The following DVL1 variants were observed in gnomAD, a reference collection of about 807,000 sequenced individuals.
The protein encoded by DVL1 is segment polarity protein dishevelled homolog DVL-1.
A neutral mutation model predicts 65.0 loss-of-function variants in DVL1; 49 were observed. The observed-to-expected ratio is 0.75, with a 90% confidence interval of 0.60 to 0.96. DVL1 has a LOEUF of 0.96. Ranked by LOEUF, DVL1 falls within the 40% of genes least tolerant of loss-of-function variation. The pLI is 0.00. For missense variants in DVL1, 1,197 were observed against 1,045.4 expected (o/e 1.15, Z -2.00); for synonymous variants, 608 against 433.9 (o/e 1.40, Z -4.99).
In DVL1 at chr1:1,340,241, C is replaced by T. The variant is rs776110236; in HGVS notation, c.769+6G>A. The stretch of plus-strand genomic sequence containing the variant: ...CCTGCCCCCAACCCTCGCCCCGAGG[C>T]CTCACCCATGTTGAGCGTGACAGTG... On this transcript the variant is annotated splice_donor_region_variant and intron_variant, in intron 7 of 14. Transcript: ENST00000378888. The T allele has an allele frequency of 1.9e-6, 3 of 1,613,968 alleles. No individual in the cohort carries two copies. The highest frequency in any genetic ancestry group is 1.7e-5 in the Admixed American group (1 of 60,026).
intron 11 of DVL1, among the ~76,000 whole-genome samples, 156 bp downstream of exon 11, chr1:1,339,131 C>T (rs890710692): frequency 1.3e-5 from 2 of 152,262 alleles, no homozygotes; most frequent in Non-Finnish European, 2.9e-5. Flanking sequence ...AAGGTGGGCA[C>T]GGGTGCCTGT....
At chr1:1,343,556 C>G (rs1035426866) in intron 1 of DVL1, among the ~76,000 whole-genome samples, 1 of 152,238 alleles carries the variant, frequency 6.6e-6, no homozygotes, top group Non-Finnish European at 1.5e-5. Context: ...TGCCCTATGG[C>G]CCTACTCCAC....
chr1:1,346,771 C>G (rs561237533), intron 1 of DVL1, among the ~76,000 whole-genome samples: 1 of 152,192 alleles, frequency 6.6e-6, no homozygotes, highest in African/African-American at 2.4e-5. Context: ...CCCCGACTCA[C>G]CAGGGCCTCC....
At chr1:1,337,622 G>C in intron 14 of DVL1, 1 of 444,138 alleles carries the variant, frequency 2.3e-6, no homozygotes, top group South Asian at 2.0e-5. Flanking sequence ...ACCCCTACCA[G>C]GCACAGCCGC....
Position 1,338,284 on chromosome 1 carries a change from C to G in DVL1, c.1492G>C (p.Gly498Arg). Residue 498 changes from glycine to arginine, a missense_variant, in exon 13 of 15, where the codon GGG becomes CGG. By Grantham distance (125) the Gly-to-Arg change is moderately radical. Coordinates refer to ENST00000378888, the MANE Select transcript of DVL1 (RefSeq NM_001330311.2). ...CCCCACTCACTGCTGCAGAGATCCC[C>G]GAAGACGTAGTAGCACTGCTCGGAG... ...TFSEQCYYVFGDLCSNLATLN... is the reference protein window; with the variant it reads ...TFSEQCYYVFRDLCSNLATLN... 6.2e-7 allele frequency: 1 copy of G among 1,611,572 alleles called. No homozygotes were observed. Among genetic ancestry groups the G allele is most frequent in the Non-Finnish European group, 8.5e-7 (1 of 1,179,220 alleles).
intron 11 of DVL1, 89 bp downstream of exon 11, chr1:1,339,187 CACAGCCCCATG>C: frequency 3.4e-6 from 5 of 1,473,324 alleles, no homozygotes; most frequent in Non-Finnish European, 4.6e-6. Context: ...ACACACGTGT[CACAGCCCCATG>C]ACGGCCACAG....
intron 1 of DVL1, among the ~76,000 whole-genome samples, chr1:1,343,916 C>A (rs1351346653): frequency 6.6e-6 from 1 of 152,164 alleles, no homozygotes; most frequent in Non-Finnish European, 1.5e-5. Context: ...CACCAGTCCA[C>A]CCCCAGGTCA....
chr1:1,337,183 G>T, intron 14 of DVL1: 1 of 743,480 alleles, frequency 1.3e-6, no homozygotes, highest in Non-Finnish European at 1.6e-6. Context: ...CGCAAGCGCC[G>T]GTCGAGGGTC....
Position 1,339,309 on chromosome 1 carries a change from G to C in DVL1, c.1185C>G (p.Thr395=), listed in dbSNP as rs763911941. ...TACGTGGAGCACCAGGCACGGAGCT[G>C]GTTAGTGAGGAGGAGCTGGTGCGCG... ...AVTRTSSSSL[T]SSVPGAPQLE... The change falls in exon 11 of 15, where the codon ACC becomes ACG. Residue 395 remains threonine (T), a synonymous_variant. Transcript: ENST00000378888. 55 of 1,548,466 alleles carry C rather than the reference G, an allele frequency of 3.6e-5. No homozygotes were observed. The African/African-American group carries it at 6.9e-4, about 19-fold the overall frequency.
chr1:1,341,656 C>T lies in DVL1; in HGVS notation c.605+11G>A, dbSNP rs182712986. ...ACACAGGCATACACGCCCACAGACA[C>T]TCCCACACACCTGCTCGTGCTGCCA... On this transcript the variant is annotated intron_variant, in intron 5 of 14. Coordinates refer to ENST00000378888, the MANE Select transcript of DVL1 (RefSeq NM_001330311.2). 3 of 1,595,786 alleles carry T rather than the reference C, an allele frequency of 1.9e-6. No individual in the cohort carries two copies. Among genetic ancestry groups the T allele is most frequent in the African/African-American group, 2.7e-5 (2 of 74,690 alleles).
intron 1 of DVL1, among the ~76,000 whole-genome samples, chr1:1,347,096 C>A (rs777661198): frequency 6.6e-6 from 1 of 152,080 alleles, no homozygotes; most frequent in Non-Finnish European, 1.5e-5. Flanking sequence ...GAGCAAGGCC[C>A]CCATCCCAGC....
At chr1:1,344,339 G>GCCA (rs1643887907) in intron 1 of DVL1, among the ~76,000 whole-genome samples, 1 of 152,204 alleles carries the variant, frequency 6.6e-6, no homozygotes, top group Non-Finnish European at 1.5e-5. Context: ...CACCCCGACT[G>GCCA]GCCGCTCCAG....
intron 5 of DVL1, among the ~76,000 whole-genome samples, chr1:1,341,322 G>A (rs111203438): frequency 0.018 from 2,795 of 151,812 alleles, 94 homozygotes; most frequent in African/African-American, 0.062. Context: ...ACAGACATGC[G>A]CATCATGTAC....
At chr1:1,342,633 C>A (rs532296244) in intron 2 of DVL1, 56 bp downstream of exon 2, 1 of 1,601,230 alleles carries the variant, frequency 6.2e-7, no homozygotes, top group Non-Finnish European at 8.5e-7. Context: ...CCAGGAAGAG[C>A]CCCACCCTGG....
rs554217687 is a variant in DVL1, at chr1:1,335,697, G to A, written c.*445C>T. 5.8e-6 allele frequency: 1 copy of A among 171,694 alleles called. No individual in the cohort carries two copies. The highest frequency in any genetic ancestry group is 1.3e-5 in the Non-Finnish European group (1 of 79,852). 10.6% of individuals were successfully genotyped at this position (171,694 alleles called of 1,614,324 possible). A position where few individuals can be genotyped will look rare whatever the true frequency, so the allele number is the denominator to read the frequency against. ...CAGCAGCAGGTGGGACAGATGACAG[G>A]GTCGCCTCCTCCCCCGAGTCACCGG... is the stretch of plus-strand genomic sequence containing the variant. On this transcript the variant is annotated 3_prime_UTR_variant, in exon 15 of 15. Coordinates refer to ENST00000378888, the MANE Select transcript of DVL1 (RefSeq NM_001330311.2).
chr1:1,340,654 A>G, intron 5 of DVL1, 151 bp from the exon 6 acceptor site: 2 of 779,628 alleles, frequency 2.6e-6, no homozygotes, highest in Non-Finnish European at 4.1e-6. Context: ...CAGGCCCTGC[A>G]CACGTGATAT....
In DVL1 at chr1:1,338,163, T is replaced by C. The variant is rs748486151; in HGVS notation, c.1528A>G (p.Asn510Asp). ...TCCGAAGTCCCACTGGAGCCACTGTTGAGGTTCAGGGTGGCGAGATCTGGC... is the reference window on the plus strand; with the variant it reads ...TCCGAAGTCCCACTGGAGCCACTGTCGAGGTTCAGGGTGGCGAGATCTGGC... Reference protein sequence around the residue: ...LCSNLATLNLNSGSSGTSDQD... With the variant: ...LCSNLATLNLDSGSSGTSDQD... The change falls in exon 14 of 15, where the codon AAC becomes GAC. Residue 510 changes from asparagine (N) to aspartate (D), a missense_variant. Asn to Asp is a conservative substitution (Grantham distance 23). Transcript: ENST00000378888. The C allele has an allele frequency of 1.9e-6, 3 of 1,608,528 alleles. No individual in the cohort carries two copies. The Admixed American group carries it at 5.0e-5, about 27-fold the overall frequency.
At chr1:1,346,562 G>C (rs1446988674) in intron 1 of DVL1, among the ~76,000 whole-genome samples, 1 of 152,216 alleles carries the variant, frequency 6.6e-6, no homozygotes, top group Admixed American at 6.5e-5. Context: ...CTGTGACCAG[G>C]GCATGAAAAG....
intron 1 of DVL1, among the ~76,000 whole-genome samples, chr1:1,344,077 G>C (rs1383770010): frequency 6.6e-6 from 1 of 152,186 alleles, no homozygotes; most frequent in Non-Finnish European, 1.5e-5. Context: ...GGCAGGGGCA[G>C]GTCCCCAGGC....
Sources: gnomAD v4.1 joint callset for allele counts (sites outside exome capture counted in the v4.1 genomes callset) on GRCh38, gnomAD v4.1.1 for gene constraint, MANE v1.5 for transcripts, NCBI Gene and HGNC (gene_info 2026-07-23, HGNC 2026-07-21) for gene names.